Variants in RAB7A observed in about 807,000 individuals in gnomAD.
The protein encoded by RAB7A is RAB7A, member RAS oncogene family.
RAB7A carries 2 observed loss-of-function variants against 24.5 expected under a neutral mutation model. The ratio of observed to expected loss-of-function variants is 0.08; its 90% CI spans 0.03 to 0.26. The LOEUF (loss-of-function observed/expected upper bound fraction) is 0.26, where lower values mean the gene tolerates loss of function less well. Among genes scored for constraint, RAB7A ranks in the 10% least tolerant of loss-of-function variants. RAB7A has a pLI of 1.00. For synonymous variants in RAB7A, 100 were observed against 95.9 expected (o/e 1.04, Z -0.25); for missense variants, 118 against 255.7 (o/e 0.46, Z 3.67).
chr3:128,813,519 A>G lies in RAB7A; in HGVS notation c.*97A>G, dbSNP rs1458518683. 3.4e-6 allele frequency: 4 copies of G among 1,181,086 alleles called. No homozygotes were observed. Among genetic ancestry groups the G allele is most frequent in the African/African-American group, 3.0e-5 (2 of 66,272 alleles). 73.2% of individuals were successfully genotyped at this position (1,181,086 alleles called of 1,614,324 possible). ...CTCTCCTCTTCCAAACAAAACATAC[A>G]TTGATCTCTCACATCCAGCTGCCAA... On this transcript the variant is annotated 3_prime_UTR_variant, in exon 6 of 6. Coordinates refer to ENST00000265062, the MANE Select transcript of RAB7A (RefSeq NM_004637.6).
chr3:128,799,278 C>G (rs1416111105), intron 3 of RAB7A: 1 of 151,706 alleles, frequency 6.6e-6, no homozygotes, highest in East Asian at 1.9e-4. Context: ...CCAGTCATTC[C>G]GAATCATGTG....
intron 1 of RAB7A, among the ~76,000 whole-genome samples, chr3:128,769,373 T>A (rs894258114): frequency 2.6e-5 from 4 of 152,224 alleles, no homozygotes; most frequent in African/African-American, 9.6e-5. Flanking sequence ...ATTATGTTTT[T>A]AATTTGTATT....
intron 3 of RAB7A, among the ~76,000 whole-genome samples, chr3:128,802,841 G>A (rs558696227): frequency 4.0e-5 from 6 of 151,796 alleles, no homozygotes; most frequent in Admixed American, 2.6e-4. Flanking sequence ...GAGTCTCACT[G>A]TCGCCCAGGC....
At chr3:128,765,042 G>T (rs1317488742) in intron 1 of RAB7A, 28 of 1,325,288 alleles carry the variant, frequency 2.1e-5, no homozygotes, top group Non-Finnish European at 5.3e-6. Flanking sequence ...AGAGGTGGCG[G>T]CGGTGGCTGC....
chr3:128,757,214 A>T (rs1320139706), intron 1 of RAB7A, among the ~76,000 whole-genome samples: 1 of 152,168 alleles, frequency 6.6e-6, no homozygotes, highest in African/African-American at 2.4e-5. Flanking sequence ...ACCAGAGACT[A>T]TGCAAATTAA....
chr3:128,739,027 G>C (rs567045914), intron 1 of RAB7A, among the ~76,000 whole-genome samples: 3 of 152,126 alleles, frequency 2.0e-5, no homozygotes, highest in Non-Finnish European at 4.4e-5. Flanking sequence ...CTGACTCTTG[G>C]ACATACTGCT....
At chr3:128,781,745 G>C (rs150100313) in intron 1 of RAB7A, among the ~76,000 whole-genome samples, 2 of 149,728 alleles carry the variant, frequency 1.3e-5, no homozygotes, top group African/African-American at 2.5e-5. Flanking sequence ...GGCCGGGCAC[G>C]GTGGCTTACT....
chr3:128,748,224 T>C (rs1283371600), intron 1 of RAB7A, among the ~76,000 whole-genome samples: 2 of 152,172 alleles, frequency 1.3e-5, no homozygotes, highest in African/African-American at 2.4e-5. Context: ...GGTGACTCCT[T>C]CTGGGTTTCC....
chr3:128,776,131 A>T (rs1933081679), intron 1 of RAB7A, among the ~76,000 whole-genome samples: 2 of 152,088 alleles, frequency 1.3e-5, no homozygotes, highest in Non-Finnish European at 2.9e-5. Flanking sequence ...AAGTGAGGTT[A>T]TGCTCTATTT....
At chr3:128,749,326 A>G (rs2070652500) in intron 1 of RAB7A, 1 of 152,202 alleles carries the variant, frequency 6.6e-6, no homozygotes, top group Admixed American at 6.5e-5. Context: ...CCTTCATTAT[A>G]CTGAATATAT....
chr3:128,813,378 A>G lies in RAB7A; in HGVS notation c.580A>G (p.Lys194Glu). 1 of 1,614,234 alleles carries G rather than the reference A, an allele frequency of 6.2e-7. No homozygotes were observed. Among genetic ancestry groups the G allele is most frequent in the Non-Finnish European group, 8.5e-7 (1 of 1,180,036 alleles). The change falls in exon 6 of 6, where the codon AAG (lysine) becomes GAG (glutamate). Residue 194 changes from lysine (K) to glutamate (E), a missense_variant. Lys to Glu is a moderately conservative substitution (Grantham distance 56, BLOSUM62 1). Coordinates refer to ENST00000265062, the MANE Select transcript of RAB7A (RefSeq NM_004637.6). ...ATTTCCTGAACCTATCAAACTGGAC[A>G]AGAATGACCGGGCCAAGGCCTCGGC... ...NEFPEPIKLD[K>E]NDRAKASAES...
chr3:128,803,370 A>T (rs113485806), intron 3 of RAB7A, among the ~76,000 whole-genome samples: 3 of 152,204 alleles, frequency 2.0e-5, no homozygotes, highest in African/African-American at 7.2e-5. Context: ...GGTGACAAAG[A>T]TGATAATGCC....
intron 3 of RAB7A, among the ~76,000 whole-genome samples, chr3:128,804,605 A>G (rs1396939884): frequency 6.6e-6 from 1 of 152,216 alleles, no homozygotes; most frequent in East Asian, 1.9e-4. Flanking sequence ...ATTCAAAGTT[A>G]AATTAATTTT....
intron 5 of RAB7A, among the ~76,000 whole-genome samples, chr3:128,810,707 A>G (rs1412520676): frequency 6.6e-6 from 1 of 152,200 alleles, no homozygotes; most frequent in Non-Finnish European, 1.5e-5. Flanking sequence ...CTTACTCCAA[A>G]TACAGCCACC....
chr3:128,768,295 A>G (rs146585409), intron 1 of RAB7A, among the ~76,000 whole-genome samples: 93 of 152,250 alleles, frequency 6.1e-4, no homozygotes, highest in African/African-American at 2.1e-3. Context: ...ATTTCATTGT[A>G]TAGCTATATC....
chr3:128,752,580 G>A (rs966785995), intron 1 of RAB7A, among the ~76,000 whole-genome samples: 1 of 152,070 alleles, frequency 6.6e-6, no homozygotes, highest in Non-Finnish European at 1.5e-5. Flanking sequence ...TTACTGGGCT[G>A]TGCAGACCAA....
At chr3:128,795,006 T>G (rs1229743698) in intron 1 of RAB7A, among the ~76,000 whole-genome samples, 1 of 152,064 alleles carries the variant, frequency 6.6e-6, no homozygotes, top group Non-Finnish European at 1.5e-5. Context: ...TTTGAGAAAG[T>G]GATACTGAAG....
At chr3:128,781,992 G>A (rs1037593340) in intron 1 of RAB7A, among the ~76,000 whole-genome samples, 16 of 152,096 alleles carry the variant, frequency 1.1e-4, no homozygotes, top group Non-Finnish European at 2.2e-4. Flanking sequence ...CAGCCTGGGC[G>A]ACAGAGCGAG....
At chr3:128,765,058 G>T in intron 1 of RAB7A, 1 of 1,146,046 alleles carries the variant, frequency 8.7e-7, no homozygotes, top group Non-Finnish European at 1.3e-6. Context: ...GCTGCGCGGC[G>T]CTGGAGCGGC....
Sources: gnomAD v4.1 joint callset for allele counts (sites outside exome capture counted in the v4.1 genomes callset) on GRCh38, gnomAD v4.1.1 for gene constraint, MANE v1.5 for transcripts, NCBI Gene and HGNC (gene_info 2026-07-23, HGNC 2026-07-21) for gene names.